PRKX: variants seen among roughly 807,000 people sequenced by gnomAD.
The protein encoded by PRKX is cAMP-dependent protein kinase catalytic subunit PRKX.
Under a neutral mutation model 22.0 loss-of-function variants are expected in PRKX, and 12 were observed. The observed-to-expected ratio is 0.54, with a 90% confidence interval of 0.35 to 0.88. PRKX has a LOEUF of 0.88. PRKX is among the 40% of genes least tolerant of loss of function. The pLI, the probability that PRKX is intolerant of heterozygous loss-of-function variation, is 0.01. For synonymous variants in PRKX, 134 were observed against 137.7 expected (o/e 0.97, Z 0.19); for missense variants, 217 against 308.0 (o/e 0.70, Z 2.21).
At chrX:3,695,544 C>G (rs917077633) in intron 1 of PRKX, among the ~76,000 whole-genome samples, 1 of 111,212 alleles carries the variant, frequency 9.0e-6, no homozygotes, top group Non-Finnish European at 1.9e-5. Flanking sequence ...TCCTGAGTAG[C>G]TGGGACTAAG....
chrX:3,628,411 C>T (rs917707672), intron 4 of PRKX, among the ~76,000 whole-genome samples: 2 of 111,390 alleles, frequency 1.8e-5, no homozygotes, highest in African/African-American at 6.5e-5. Context: ...GTTCCTAACA[C>T]AAAGAAATGG....
intron 3 of PRKX, among the ~76,000 whole-genome samples, chrX:3,650,793 C>T (rs975736373): frequency 4.9e-5 from 5 of 102,285 alleles, no homozygotes; most frequent in Non-Finnish European, 7.8e-5. Flanking sequence ...ATGGGAGGAT[C>T]GCTTGAGCCC....
At position 3,659,537 on chromosome X, in the gene PRKX, G is replaced by A. The variant is rs186950974; in HGVS notation, c.336-4125C>T. The A allele has an allele frequency of 2.3e-3, 258 of 109,891 alleles. 1 individual carries two copies. Among genetic ancestry groups the A allele is most frequent in the Non-Finnish European group, 4.1e-3 (217 of 52,802 alleles). The allele number at this position is 109,891 out of a possible 1,213,427, so 9.1% of individuals were successfully genotyped here. ...GGCTGAAGGGAGCTCAGGAAGCTCA[G>A]GGTTAGACATTTCTTCTGTTTTTTT... On this transcript the variant is annotated intron_variant, in intron 2 of 8. Coordinates refer to ENST00000262848, the MANE Select transcript of PRKX (RefSeq NM_005044.5).
rs184493914 is a variant in PRKX, at chrX:3,693,630, G to A, written c.167-18864C>T. Among the ~76,000 whole-genome samples the A allele has an allele frequency of 7.2e-5, 8 of 111,396 alleles. No individual in the cohort carries two copies. In the East Asian group the frequency reaches 1.1e-3, roughly 16 times the overall value. ...CTAACCCCTGGTGCCTGTGAATGGCGTCTTATTTGAAAATAGGGTTTTTGA... is the reference window on the plus strand; with the variant it reads ...CTAACCCCTGGTGCCTGTGAATGGCATCTTATTTGAAAATAGGGTTTTTGA... On this transcript the variant is annotated intron_variant, in intron 1 of 8. Transcript: ENST00000262848.
intron 1 of PRKX, among the ~76,000 whole-genome samples, chrX:3,695,672 A>C (rs899046954): frequency 9.0e-6 from 1 of 111,276 alleles, no homozygotes; most frequent in African/African-American, 3.3e-5. Flanking sequence ...CGACCTCCCA[A>C]AGTTTGAGTC....
intron 6 of PRKX, among the ~76,000 whole-genome samples, chrX:3,617,679 G>A (rs1926459398): frequency 9.1e-6 from 1 of 110,183 alleles, no homozygotes; most frequent in Admixed American, 9.8e-5. Flanking sequence ...GTGTGTGTGG[G>A]TGTGTATCTA....
At chrX:3,636,515 G>A (rs767538711) in intron 4 of PRKX, among the ~76,000 whole-genome samples, 2 of 113,062 alleles carry the variant, frequency 1.8e-5, no homozygotes, top group East Asian at 2.8e-4. Context: ...GCCCCAGAGG[G>A]CTGTGGGAGC....
chrX:3,632,446 C>G (rs1926804398), intron 4 of PRKX, among the ~76,000 whole-genome samples: 1 of 90,006 alleles, frequency 1.1e-5, no homozygotes, highest in African/African-American at 3.7e-5. Context: ...CTGTTTCTCT[C>G]TGGGTTTGGG....
At chrX:3,696,371 G>T (rs1928442600) in intron 1 of PRKX, among the ~76,000 whole-genome samples, 2 of 111,488 alleles carry the variant, frequency 1.8e-5, no homozygotes, top group South Asian at 7.6e-4. Flanking sequence ...TGAAAATATG[G>T]TAAGTCAAAA....
intron 4 of PRKX, among the ~76,000 whole-genome samples, chrX:3,637,775 TTTC>T (rs1422662357): frequency 3.7e-5 from 4 of 108,825 alleles, no homozygotes; most frequent in African/African-American, 1.3e-4. Flanking sequence ...TTTTTTTTTT[TTTC>T]TTTTTGAGAT....
chrX:3,637,163 A>G (rs1230003595), intron 4 of PRKX, among the ~76,000 whole-genome samples: 1 of 109,099 alleles, frequency 9.2e-6, no homozygotes, highest in Non-Finnish European at 1.9e-5. Flanking sequence ...GAAAAGAAGG[A>G]GGAAGGAAGC....
At chrX:3,711,313 GA>G (rs998367295) in intron 1 of PRKX, among the ~76,000 whole-genome samples, 1 of 108,104 alleles carries the variant, frequency 9.3e-6, no homozygotes, top group Non-Finnish European at 1.9e-5. Context: ...TGACTGGACT[GA>G]AAAAAAAAGC....
At chrX:3,616,985 T>TAC (rs921775641) in intron 6 of PRKX, among the ~76,000 whole-genome samples, 1 of 111,043 alleles carries the variant, frequency 9.0e-6, no homozygotes, top group Non-Finnish European at 1.9e-5. Flanking sequence ...TAGTAATATA[T>TAC]ACACACACAC....
Position 3,621,253 on chromosome X carries a change from A to G in PRKX, c.873+6T>C. ...CCACTGAATACCCACGGGATCAAATACTGACCTTCATGTTTCCTAATCGCC... is the reference window on the plus strand; with the variant it reads ...CCACTGAATACCCACGGGATCAAATGCTGACCTTCATGTTTCCTAATCGCC... On this transcript the variant is annotated splice_donor_region_variant and intron_variant, in intron 6 of 8. Transcript: ENST00000262848. The G allele has an allele frequency of 1.7e-6, 2 of 1,205,972 alleles. No individual in the cohort carries two copies. The highest frequency in any genetic ancestry group is 2.2e-6 in the Non-Finnish European group (2 of 890,791).
chrX:3,677,986 G>A (rs2146596906), intron 1 of PRKX, among the ~76,000 whole-genome samples: 1 of 112,227 alleles, frequency 8.9e-6, no homozygotes, highest in East Asian at 2.8e-4. Context: ...GTACAACATG[G>A]TGTGGACAAA....
At chrX:3,651,111 A>T (rs1927323608) in intron 3 of PRKX, among the ~76,000 whole-genome samples, 1 of 109,611 alleles carries the variant, frequency 9.1e-6, no homozygotes, top group Non-Finnish European at 1.9e-5. Flanking sequence ...GGTCAAAAAA[A>T]AAAAGGAGAA....
chrX:3,668,473 C>T (rs764986367), intron 2 of PRKX, among the ~76,000 whole-genome samples: 4 of 111,836 alleles, frequency 3.6e-5, no homozygotes, highest in Non-Finnish European at 7.5e-5. Context: ...TTACTCCTAC[C>T]CCCAACAAGT....
intron 4 of PRKX, among the ~76,000 whole-genome samples, chrX:3,633,282 C>T (rs2146567500): frequency 9.4e-6 from 1 of 106,576 alleles, no homozygotes; most frequent in Admixed American, 1.0e-4. Context: ...AAAAAAAACG[C>T]TCATGCAGTG....
intron 8 of PRKX, 102 bp from the exon 9 acceptor site, chrX:3,609,047 T>A (rs1926240347): frequency 8.9e-6 from 1 of 112,325 alleles, no homozygotes; most frequent in Non-Finnish European, 1.9e-5. Context: ...TTTCCCTAAG[T>A]GATAACAAAG....
Sources: allele counts gnomAD v4.1 joint callset (sites outside exome capture counted in the v4.1 genomes callset), GRCh38; gene constraint gnomAD v4.1.1; transcripts MANE v1.5; gene names NCBI Gene and HGNC (gene_info 2026-07-23, HGNC 2026-07-21).